The following TNFAIP3 variants were observed in gnomAD, a reference collection of about 807,000 sequenced individuals.
The protein encoded by TNFAIP3 is tumor necrosis factor alpha-induced protein 3.
A neutral mutation model predicts 72.4 loss-of-function variants in TNFAIP3; 9 were observed. The observed-to-expected ratio is 0.12, with a 90% CI of 0.07 to 0.22. TNFAIP3 has a LOEUF of 0.22. Ranked by LOEUF, TNFAIP3 falls within the 10% of genes least tolerant of loss-of-function variation. The pLI is 1.00. For missense variants in TNFAIP3, 833 were observed against 1,018.7 expected (o/e 0.82, Z 2.48); for synonymous variants, 339 against 372.6 (o/e 0.91, Z 1.04).
chr6:137,880,271 C>G lies in TNFAIP3; in HGVS notation c.2088+19C>G, dbSNP rs755058778. 3.1e-6 allele frequency: 5 copies of G among 1,613,158 alleles called. No individual in the cohort carries two copies. The highest frequency in any genetic ancestry group is 2.2e-5 in the East Asian group (1 of 44,882). On this transcript the variant is annotated intron_variant, in intron 8 of 8. Transcript: ENST00000612899. Reference sequence around the variant, plus strand: ...GCAACTGGTGAGACACTTGGAGGAGCTTTCCCTCCCTCCCGTGTGTTCGAT... The same window carrying G: ...GCAACTGGTGAGACACTTGGAGGAGGTTTCCCTCCCTCCCGTGTGTTCGAT...
chr6:137,873,394 A>G (rs946977004), intron 2 of TNFAIP3, among the ~76,000 whole-genome samples: 1 of 152,174 alleles, frequency 6.6e-6, no homozygotes, highest in Non-Finnish European at 1.5e-5. Flanking sequence ...TCCAGCGTCT[A>G]TTGGCTGCAG....
chr6:137,879,330 A>T lies in TNFAIP3; in HGVS notation c.1885A>T (p.Ile629Phe), dbSNP rs533627971. ...CAAGGGCTTTTGCACACTGTGTTTC[A>T]TCGAGTACAGAGAAAACAAACGTGA... ...ENKGFCTLCF[I>F]EYRENKHFAA... Residue 629 changes from isoleucine (I) to phenylalanine (F), a missense_variant, in exon 7 of 9, where the codon ATC becomes TTC. Ile to Phe is a conservative substitution (Grantham distance 21). Around this residue, in one of 2 missense-constraint regions of TNFAIP3, gnomAD observed 587 missense variants for 657.8 expected, o/e 0.89. Transcript: ENST00000612899. 1 of 1,613,460 alleles carries T rather than the reference A, an allele frequency of 6.2e-7. No individual in the cohort carries two copies. The highest frequency in any genetic ancestry group is 1.3e-5 in the African/African-American group (1 of 75,010).
At position 137,881,203 on chromosome 6, in the gene TNFAIP3, G is replaced by A. The variant is rs1316276096; in HGVS notation, c.2257G>A (p.Ala753Thr). ...CCCTGGGGCCCACCGGGGTGAGCCT[G>A]CCCCCGAAGACCCCCCCAAGCAGCG... Reference protein sequence around the residue: ...MGPGAHRGEPAPEDPPKQRCR... With the variant: ...MGPGAHRGEPTPEDPPKQRCR... The change falls in exon 9 of 9, where the codon GCC (alanine) becomes ACC (threonine). Residue 753 changes from alanine to threonine, a missense_variant. By Grantham distance (58) the Ala-to-Thr change is moderately conservative. This residue lies in a region of TNFAIP3 where 587 missense variants were observed against 657.8 expected (regional missense o/e 0.89). Transcript: ENST00000612899. This position sits in a 1 kb window ranked among gnomAD's most constrained non-coding sequence, Gnocchi z 5.0. 3.7e-6 allele frequency: 6 copies of A among 1,613,050 alleles called. No homozygotes were observed. Among genetic ancestry groups the A allele is most frequent in the Non-Finnish European group, 5.1e-6 (6 of 1,179,718 alleles).
intron 2 of TNFAIP3, among the ~76,000 whole-genome samples, chr6:137,872,285 C>G (rs745848459): frequency 7.9e-5 from 12 of 152,134 alleles, no homozygotes; most frequent in Non-Finnish European, 1.5e-4. Flanking sequence ...ACAGGAATGT[C>G]AGAGCATACT....
At position 137,876,411 on chromosome 6, in the gene TNFAIP3, C is replaced by T. The variant is rs1776250463; in HGVS notation, c.805+245C>T. On this transcript the variant is annotated intron_variant, in intron 5 of 8. Transcript: ENST00000612899. ...ATTAAGGCGCACAGTGCTCTTAATA[C>T]AGTGCCTGGTATGGAGCAAGTAAAC... 3 of 404,230 alleles carry T rather than the reference C, an allele frequency of 7.4e-6. No homozygotes were observed. In the South Asian group the frequency reaches 1.1e-4, roughly 14 times the overall value. The allele number at this position is 404,230 out of a possible 1,614,324, so 25.0% of individuals were successfully genotyped here. A position where few individuals can be genotyped will look rare whatever the true frequency, so the allele number is the denominator to read the frequency against.
Position 137,878,662 on chromosome 6 carries a change from A to T in TNFAIP3, c.1217A>T (p.Glu406Val). 6.2e-7 allele frequency: 1 copy of T among 1,614,176 alleles called. No homozygotes were observed. The change falls in exon 7 of 9, where the codon GAG (glutamate) becomes GTG (valine). Residue 406 changes from glutamate (E) to valine (V), a missense_variant. Glu to Val is a moderately radical substitution (Grantham distance 121, BLOSUM62 -2). This residue lies in a region of TNFAIP3 where 587 missense variants were observed against 657.8 expected (regional missense o/e 0.89). Coordinates refer to ENST00000612899, the MANE Select transcript of TNFAIP3 (RefSeq NM_001270508.2). ...MSVNTQPLCH[E>V]CSERRQKNQN... ...GTGAACACCCAGCCTTTATGCCATG[A>T]GTGCTCAGAGAGGCGGCAAAAGAAT...
In TNFAIP3 at chr6:137,876,122, G is replaced by A. The variant is rs61756235; in HGVS notation, c.761G>A (p.Ser254Asn). ...TACCCCATTGTTCTCGGCTATGACA[G>A]CCATCATTTTGTACCCTTGGTGACC... ...YRYPIVLGYD[S>N]HHFVPLVTLK... The change falls in exon 5 of 9, where the codon AGC becomes AAC. Residue 254 changes from serine to asparagine, a missense_variant. Ser to Asn is a conservative substitution (Grantham distance 46). Around this residue, in one of 2 missense-constraint regions of TNFAIP3, gnomAD observed 246 missense variants for 360.9 expected, o/e 0.68. Transcript: ENST00000612899. 7 of 1,614,122 alleles carry A rather than the reference G, an allele frequency of 4.3e-6. No homozygotes were observed. Among genetic ancestry groups the A allele is most frequent in the Non-Finnish European group, 5.9e-6 (7 of 1,179,998 alleles).
At chr6:137,866,477 T>C (rs1296172840), upstream of TNFAIP3, 1 of 152,512 alleles carries the variant, frequency 6.6e-6, no homozygotes, top group Non-Finnish European at 1.5e-5. Flanking sequence ...GCTGAAATGC[T>C]GCTTTGAATG....
chr6:137,871,423 A>G lies in TNFAIP3; in HGVS notation c.196A>G (p.Lys66Glu), dbSNP rs753814942. The stretch of plus-strand genomic sequence containing the variant: ...TCCTCAGTTTCGGGAGATCATCCAC[A>G]AAGCCCTCATCGACAGAAACATCCA... Reference protein sequence around the residue: ...FCPQFREIIHKALIDRNIQAT... With the variant: ...FCPQFREIIHEALIDRNIQAT... Residue 66 changes from lysine (K) to glutamate (E), a missense_variant, in exon 2 of 9, where the codon AAA (lysine) becomes GAA (glutamate). By Grantham distance (56) the Lys-to-Glu change is moderately conservative (BLOSUM62 1). Transcript: ENST00000612899. This position sits in a 1 kb window ranked among gnomAD's most constrained non-coding sequence, Gnocchi z 4.2. 5 of 1,614,078 alleles carry G rather than the reference A, an allele frequency of 3.1e-6. No individual in the cohort carries two copies. The highest frequency in any genetic ancestry group is 4.2e-6 in the Non-Finnish European group (5 of 1,180,034).
intron 6 of TNFAIP3, 111 bp from the exon 7 acceptor site, chr6:137,878,321 C>A (rs1367063615): frequency 1.5e-5 from 14 of 963,104 alleles, no homozygotes; most frequent in Non-Finnish European, 2.1e-5. Flanking sequence ...AATGGTTCTA[C>A]AATTCTTGCC....
rs1306658557 is a variant in TNFAIP3 at position 137,878,417 on chromosome 6, C to T, written c.987-15C>T. 8.2e-6 allele frequency: 13 copies of T among 1,582,936 alleles called. No homozygotes were observed. In the Admixed American group the frequency reaches 1.6e-4, roughly 20 times the overall value. ...TTGTGTATTCTCATACATATTTTTT[C>T]CTTTTGGTCTTCAGGTTGGATGAAG... is the stretch of plus-strand genomic sequence containing the variant. On this transcript the variant is annotated splice_polypyrimidine_tract_variant and intron_variant, in intron 6 of 8. Coordinates refer to ENST00000612899, the MANE Select transcript of TNFAIP3 (RefSeq NM_001270508.2).
At chr6:137,870,764 A>G (rs549046257) in intron 1 of TNFAIP3, among the ~76,000 whole-genome samples, 2 of 152,254 alleles carry the variant, frequency 1.3e-5, no homozygotes, top group African/African-American at 4.8e-5. Context: ...TGGTGGTCTG[A>G]GGGGAGGAGC....
rs542739083 is a variant in TNFAIP3, at chr6:137,879,155, C to T, written c.1710C>T (p.Leu570=). Residue 570 remains leucine (L), a synonymous_variant, in exon 7 of 9, where the codon CTC becomes CTT. Coordinates refer to ENST00000612899, the MANE Select transcript of TNFAIP3 (RefSeq NM_001270508.2). ...HQRSKSDPSR[L]VRSPSPHSCH... The stretch of plus-strand genomic sequence containing the variant: ...GTTCCAAGTCAGATCCCTCGCGGCT[C>T]GTCCGGAGCCCCTCCCCGCATTCTT... The T allele has an allele frequency of 7.4e-5, 119 of 1,614,130 alleles. No homozygotes were observed. In the South Asian group the frequency reaches 1.1e-3, roughly 15 times the overall value.
chr6:137,876,845 A>G (rs1253932154), intron 5 of TNFAIP3, among the ~76,000 whole-genome samples: 3 of 152,210 alleles, frequency 2.0e-5, no homozygotes, highest in South Asian at 2.1e-4. Context: ...ACTTTAACCA[A>G]TAAGATCCAC....
At position 137,881,862 on chromosome 6, in the gene TNFAIP3, T is replaced by G. The variant is rs2114520962; in HGVS notation, c.*543T>G. 4.3e-6 allele frequency: 1 copy of G among 232,628 alleles called. No homozygotes were observed. The highest frequency in any genetic ancestry group is 1.8e-4 in the South Asian group (1 of 5,516). 14.4% of individuals were successfully genotyped at this position (232,628 alleles called of 1,614,324 possible). On this transcript the variant is annotated 3_prime_UTR_variant, in exon 9 of 9. Coordinates refer to ENST00000612899, the MANE Select transcript of TNFAIP3 (RefSeq NM_001270508.2). The surrounding 1 kb of genome is among the most constrained non-coding windows in gnomAD (Gnocchi z 5.0). ...CAGAGAGTGTTTGTAGTTCATGGTT[T>G]TTCCCTACCTGCCCGGTTCCTTTCC...
chr6:137,875,547 C>A, intron 3 of TNFAIP3, 141 bp from the exon 4 acceptor site: 1 of 1,107,216 alleles, frequency 9.0e-7, no homozygotes, highest in Non-Finnish European at 1.3e-6. Flanking sequence ...AAAGGGTGAT[C>A]ATTTGAATGA....
In TNFAIP3 at chr6:137,881,930, T is replaced by TCTGAGGCTGCTGAGA. The variant is rs1776478606; in HGVS notation, c.*616_*630dup. 4.3e-6 allele frequency: 1 copy of TCTGAGGCTGCTGAGA among 232,002 alleles called. No individual in the cohort carries two copies. The highest frequency in any genetic ancestry group is 8.5e-6 in the Non-Finnish European group (1 of 117,260). The allele number at this position is 232,002 out of a possible 1,614,324, so 14.4% of individuals were successfully genotyped here. A position where few individuals can be genotyped will look rare whatever the true frequency, so the allele number is the denominator to read the frequency against. On this transcript the variant is annotated 3_prime_UTR_variant, in exon 9 of 9. Transcript: ENST00000612899. This position sits in a 1 kb window ranked among gnomAD's most constrained non-coding sequence, Gnocchi z 5.0. ...TGCAGAACCATCCATGGACTGTGAT[T>TCTGAGGCTGCTGAGA]CTGAGGCTGCTGAGACTGAACATGT...
Position 137,879,048 on chromosome 6 carries a change from A to G in TNFAIP3, c.1603A>G (p.Ile535Val), listed in dbSNP as rs1776350428. The change falls in exon 7 of 9, where the codon ATC becomes GTC. Residue 535 changes from isoleucine (I) to valine (V), a missense_variant. Transcript: ENST00000612899. The stretch of plus-strand genomic sequence containing the variant: ...GGATGTTACCAGGACATTTAATGGG[A>G]TCTGCAGTACTTGCTTCAAAAGGAC... Reference protein sequence around the residue: ...LQDVTRTFNGICSTCFKRTTA... With the variant: ...LQDVTRTFNGVCSTCFKRTTA... The G allele has an allele frequency of 1.9e-6, 3 of 1,614,200 alleles. No individual in the cohort carries two copies. The highest frequency in any genetic ancestry group is 2.5e-6 in the Non-Finnish European group (3 of 1,180,030).
rs1414472569 is a variant in TNFAIP3 at position 137,875,958 on chromosome 6, C to T, written c.635-38C>T. The stretch of plus-strand genomic sequence containing the variant: ...GTTCAATGGAATTTGATGAAAGTCA[C>T]CTAAGGGCCTCATTTTCCTTTCTCT... On this transcript the variant is annotated intron_variant, in intron 4 of 8. Coordinates refer to ENST00000612899, the MANE Select transcript of TNFAIP3 (RefSeq NM_001270508.2). 3.1e-6 allele frequency: 5 copies of T among 1,604,068 alleles called. No individual in the cohort carries two copies. In the South Asian group the frequency reaches 4.5e-5, roughly 14 times the overall value.
Sources: allele counts gnomAD v4.1 joint callset (sites outside exome capture counted in the v4.1 genomes callset), GRCh38; gene constraint gnomAD v4.1.1; regional missense constraint gnomAD v4.1.1; non-coding constraint Gnocchi (gnomAD v3.1); transcripts MANE v1.5; gene names NCBI Gene and HGNC (gene_info 2026-07-23, HGNC 2026-07-21).